The following ANO5 variants were observed in gnomAD, a reference collection of about 807,000 sequenced individuals.
The protein encoded by ANO5 is anoctamin-5.
ANO5 carries 109 observed loss-of-function variants against 121.0 expected under a neutral mutation model. That is an observed-to-expected ratio of 0.90 (90% CI 0.77 to 1.06). The LOEUF (loss-of-function observed/expected upper bound fraction) is 1.06, where lower values mean the gene tolerates loss of function less well. Ranked by LOEUF, ANO5 falls within the 50% of genes least tolerant of loss-of-function variation. The pLI, the probability that ANO5 is intolerant of heterozygous loss-of-function variation, is 0.00. For missense variants in ANO5, 1,064 were observed against 1,078.5 expected, an observed-to-expected ratio of 0.99 and a Z score of 0.19; for synonymous variants, 406 against 359.9, an observed-to-expected ratio of 1.13 and a Z score of -1.45.
At position 22,250,785 on chromosome 11, in the gene ANO5, G is replaced by A; in HGVS notation, c.1058G>A (p.Cys353Tyr). ...DPEIGGQMIMCPLCDQVCDYW... is the reference protein window; with the variant it reads ...DPEIGGQMIMYPLCDQVCDYW... ...GAGATTGGTGGTCAGATGATCATGT[G>A]CCCACTCTGTGATCAAGTGTGTGAT... is the stretch of plus-strand genomic sequence containing the variant. The change falls in exon 11 of 22, where the codon TGC becomes TAC. Residue 353 changes from cysteine to tyrosine, a missense_variant. Physicochemically the swap from Cys to Tyr is radical, Grantham distance 194 (BLOSUM62 -2). Coordinates refer to ENST00000324559, the MANE Select transcript of ANO5 (RefSeq NM_213599.3). The A allele has an allele frequency of 6.2e-7, 1 of 1,614,062 alleles. No homozygotes were observed. The highest frequency in any genetic ancestry group is 8.5e-7 in the Non-Finnish European group (1 of 1,179,954).
chr11:22,233,540 A>ACTTG (rs1445770809), intron 7 of ANO5, among the ~76,000 whole-genome samples: 1 of 152,080 alleles, frequency 6.6e-6, no homozygotes, highest in East Asian at 1.9e-4. Flanking sequence ...ATGCAGTCTT[A>ACTTG]CTTGCATTAT....
intron 17 of ANO5, among the ~76,000 whole-genome samples, chr11:22,268,984 G>T (rs1033441779): frequency 7.9e-5 from 12 of 151,846 alleles, no homozygotes; most frequent in South Asian, 6.2e-4. Flanking sequence ...AGCCTGAGTG[G>T]CAGAGTGAGA....
chr11:22,202,589 G>T (rs920118767), intron 1 of ANO5, among the ~76,000 whole-genome samples: 3 of 152,124 alleles, frequency 2.0e-5, no homozygotes, highest in Non-Finnish European at 2.9e-5. Context: ...TCTGGTAAGG[G>T]CTTGTTTCCT....
intron 2 of ANO5, among the ~76,000 whole-genome samples, chr11:22,206,385 T>C (rs558864481): frequency 8.5e-5 from 13 of 152,176 alleles, no homozygotes; most frequent in Admixed American, 7.9e-4. Context: ...GGCACGATCT[T>C]GGCTCACTGC....
chr11:22,203,775 CA>C (rs763870790), intron 1 of ANO5, 28 bp from the exon 2 acceptor site: 2 of 1,364,562 alleles, frequency 1.5e-6, no homozygotes, highest in East Asian at 4.7e-5. Flanking sequence ...GCTAATTTAA[CA>C]TGTTTTTCTC....
rs765749098 is a variant in ANO5 at position 22,236,255 on chromosome 11, A to G, written c.741A>G (p.Ser247=). ...GACTGCTAAACTCTAACACTTACTC[A>G]TCTGCCTATCCACTCCATGATGTAT... The part of the protein sequence containing the change: ...IERLLNSNTY[S]SAYPLHDGQY... The change falls in exon 8 of 22, where the codon TCA becomes TCG. Residue 247 remains serine (S), a synonymous_variant. Transcript: ENST00000324559. The G allele has an allele frequency of 3.7e-6, 6 of 1,612,176 alleles. No homozygotes were observed. In the Admixed American group the frequency reaches 8.3e-5, roughly 22 times the overall value.
intron 17 of ANO5, among the ~76,000 whole-genome samples, chr11:22,267,508 T>TTTTATATATATATATATATATATA (rs1554932860): frequency 7.9e-4 from 99 of 126,072 alleles, no homozygotes; most frequent in African/African-American, 4.4e-3. Context: ...ATATCTACAA[T>TTTTATATATATATATATATATATA]TATATATATA....
intron 7 of ANO5, among the ~76,000 whole-genome samples, chr11:22,232,359 T>C (rs1853071334): frequency 6.6e-6 from 1 of 151,972 alleles, no homozygotes; most frequent in South Asian, 2.1e-4. Flanking sequence ...CTCTGGTCTG[T>C]TTTCAATTAG....
rs369088335 is a variant in ANO5, at chr11:22,193,183, C to T, written c.-310C>T. On this transcript the variant is annotated 5_prime_UTR_variant, in exon 1 of 22. Coordinates refer to ENST00000324559, the MANE Select transcript of ANO5 (RefSeq NM_213599.3). ...GCCTGGAGAAGTACTGGGAGAGCGC[C>T]CAGGAGCGCTACCGGCTGAGGGTGG... is the stretch of plus-strand genomic sequence containing the variant. 1.6e-5 allele frequency: 20 copies of T among 1,251,118 alleles called. No individual in the cohort carries two copies. The East Asian group carries it at 2.8e-4, about 17-fold the overall frequency. The allele number at this position is 1,251,118 out of a possible 1,614,324, so 77.5% of individuals were successfully genotyped here.
intron 21 of ANO5, among the ~76,000 whole-genome samples, chr11:22,279,045 A>T (rs1273691248): frequency 1.3e-5 from 2 of 151,736 alleles, no homozygotes; most frequent in Admixed American, 6.6e-5. Context: ...AAGGCTCCAA[A>T]AATTCAAGTG....
intron 7 of ANO5, among the ~76,000 whole-genome samples, chr11:22,228,204 A>G (rs902712672): frequency 3.9e-5 from 6 of 152,104 alleles, no homozygotes; most frequent in Non-Finnish European, 8.8e-5. Flanking sequence ...GGTTACCCAG[A>G]TAATTAAATT....
intron 10 of ANO5, 25 bp downstream of exon 10, chr11:22,250,396 T>C (rs1249166331): frequency 1.2e-6 from 2 of 1,612,840 alleles, no homozygotes; most frequent in Admixed American, 1.7e-5. Flanking sequence ...GTTGCCCAGA[T>C]AGAGAAAACA....
In ANO5 at chr11:22,259,564, C is replaced by T. The variant is rs753659359; in HGVS notation, c.1453C>T (p.Leu485=). 6.2e-7 allele frequency: 1 copy of T among 1,614,138 alleles called. No individual in the cohort carries two copies. The highest frequency in any genetic ancestry group is 2.2e-5 in the East Asian group (1 of 44,866). Residue 485 remains leucine, a synonymous_variant, in exon 15 of 22, where the codon CTG becomes TTG. Transcript: ENST00000324559. ...TATGGTAGCTGTAATTGTGTACCGCCTGTCAGTCTTTGCTACATTTGCTAG... is the reference window on the plus strand; with the variant it reads ...TATGGTAGCTGTAATTGTGTACCGCTTGTCAGTCTTTGCTACATTTGCTAG... ...TSMVAVIVYR[L]SVFATFASFM...
At chr11:22,273,848 C>T (rs1405327243) in intron 19 of ANO5, among the ~76,000 whole-genome samples, 5 of 151,938 alleles carry the variant, frequency 3.3e-5, no homozygotes, top group African/African-American at 9.7e-5. Context: ...TTTGAAATGA[C>T]CACTTTTTTA....
intron 9 of ANO5, among the ~76,000 whole-genome samples, chr11:22,241,559 A>G (rs145276308): frequency 2.0e-4 from 30 of 151,986 alleles, no homozygotes; most frequent in African/African-American, 3.1e-4. Context: ...ACCATCTGAT[A>G]TTTCTTGACT....
At chr11:22,216,498 T>C (rs1003545818) in intron 3 of ANO5, among the ~76,000 whole-genome samples, 2 of 151,864 alleles carry the variant, frequency 1.3e-5, no homozygotes, top group Admixed American at 6.6e-5. Context: ...AGATACTCTT[T>C]TATGAACTGT....
At chr11:22,202,640 G>A (rs1851999253) in intron 1 of ANO5, among the ~76,000 whole-genome samples, 1 of 152,104 alleles carries the variant, frequency 6.6e-6, no homozygotes, top group African/African-American at 2.4e-5. Context: ...TTCACATGAT[G>A]GAAGAGGGAA....
Position 22,239,628 on chromosome 11 carries a change from C to T in ANO5, c.822C>T (p.His274=), listed in dbSNP as rs1590266413. ...CTACCAATGAAAGATACACACTTCA[C>T]CAGAATTGGGCTCGATTTTCCTATT... The part of the protein sequence containing the change: ...PNPTNERYTL[H]QNWARFSYFY... The change falls in exon 9 of 22, where the codon CAC becomes CAT. Residue 274 remains histidine (H), a synonymous_variant. Transcript: ENST00000324559. 6.2e-7 allele frequency: 1 copy of T among 1,613,012 alleles called. No homozygotes were observed. The highest frequency in any genetic ancestry group is 8.5e-7 in the Non-Finnish European group (1 of 1,179,206).
chr11:22,282,175 C>G lies in ANO5; in HGVS notation c.*2410C>G, dbSNP rs1229939887. On this transcript the variant is annotated 3_prime_UTR_variant, in exon 22 of 22. Coordinates refer to ENST00000324559, the MANE Select transcript of ANO5 (RefSeq NM_213599.3). ...GGTGATTTTATCTGCTGACCAAGCG[C>G]ATAGTTTTGTTTTGTTTTCAGAATG... 1 of 152,060 alleles carries G rather than the reference C, an allele frequency of 6.6e-6. No homozygotes were observed. Among genetic ancestry groups the G allele is most frequent in the Non-Finnish European group, 1.5e-5 (1 of 67,966 alleles). 9.4% of individuals were successfully genotyped at this position (152,060 alleles called of 1,614,324 possible).
Sources: gnomAD v4.1 joint callset for allele counts (sites outside exome capture counted in the v4.1 genomes callset) on GRCh38, gnomAD v4.1.1 for gene constraint, MANE v1.5 for transcripts, NCBI Gene and HGNC (gene_info 2026-07-23, HGNC 2026-07-21) for gene names.